AK8: variants seen among roughly 807,000 people sequenced by gnomAD.
The protein encoded by AK8 is adenylate kinase 8.
In AK8, 44 loss-of-function variants were observed where a neutral mutation model predicts 54.6. The observed-to-expected ratio is 0.81, with a 90% CI of 0.63 to 1.04. AK8 has a LOEUF of 1.04. Among genes scored for constraint, AK8 ranks in the 50% least tolerant of loss-of-function variants. AK8 has a pLI of 0.00. For missense variants in AK8, 555 were observed against 613.6 expected (o/e 0.90, Z 1.01); for synonymous variants, 239 against 245.6 (o/e 0.97, Z 0.25).
chr9:132,821,423 AAAG>A (rs201846620), intron 9 of AK8, among the ~76,000 whole-genome samples: 4,445 of 152,288 alleles, frequency 0.029, 127 homozygotes, highest in Middle Eastern at 0.048. Context: ...GGAACAATCA[AAAG>A]AAGAAGGAAT....
intron 9 of AK8, among the ~76,000 whole-genome samples, chr9:132,816,708 C>G (rs1161331035): frequency 1.3e-5 from 2 of 152,184 alleles, no homozygotes; most frequent in Admixed American, 1.3e-4. Context: ...CATTGGACAA[C>G]AGAGAGACAG....
chr9:132,829,940 T>TA (rs1405425833), intron 5 of AK8, among the ~76,000 whole-genome samples: 7 of 152,242 alleles, frequency 4.6e-5, no homozygotes, highest in Admixed American at 3.9e-4. Flanking sequence ...GAAATAATAA[T>TA]AAGAGTCACT....
At chr9:132,828,121 C>G in intron 6 of AK8, 37 bp from the exon 7 acceptor site, 1 of 1,542,620 alleles carries the variant, frequency 6.5e-7, no homozygotes. Flanking sequence ...CCAGGCATGT[C>G]GGGCAGCGGG....
intron 4 of AK8, among the ~76,000 whole-genome samples, chr9:132,858,982 A>G (rs61621818): frequency 0.018 from 2,727 of 152,092 alleles, 90 homozygotes; most frequent in African/African-American, 0.063. Context: ...CACCTCCTCT[A>G]CCCCAAGCCT....
intron 5 of AK8, among the ~76,000 whole-genome samples, chr9:132,846,356 C>T (rs942433797): frequency 5.3e-5 from 8 of 152,222 alleles, no homozygotes; most frequent in Non-Finnish European, 1.2e-4. Flanking sequence ...CTGCCTCTAA[C>T]TGACGTGACT....
chr9:132,858,391 C>T (rs1217805857), intron 4 of AK8, among the ~76,000 whole-genome samples: 1 of 152,250 alleles, frequency 6.6e-6, no homozygotes, highest in Non-Finnish European at 1.5e-5. Flanking sequence ...GGCTTTCTCA[C>T]ACTGGGATGG....
chr9:132,812,523 G>GCCGCCGCGCCCA lies in AK8; in HGVS notation c.979+2114_979+2115insTGGGCGCGGCGG, dbSNP rs1564415036. ...CAAAGTGCTGGGATGACAGGGGTGA[G>GCCGCCGCGCCCA]CTACCGTGCCCACTGGGATGACGGG... On this transcript the variant is annotated intron_variant, in intron 10 of 12. Transcript: ENST00000298545. Among the ~76,000 whole-genome samples, 955 of 147,180 alleles carry GCCGCCGCGCCCA rather than the reference G, an allele frequency of 6.5e-3. 26 individuals are homozygous for GCCGCCGCGCCCA. The highest frequency in any genetic ancestry group is 0.024 in the South Asian group (115 of 4,734).
intron 10 of AK8, among the ~76,000 whole-genome samples, chr9:132,808,698 G>A (rs1564412800): frequency 6.6e-6 from 1 of 152,204 alleles, no homozygotes; most frequent in Non-Finnish European, 1.5e-5. Context: ...TGGTGGTGAT[G>A]GTGACTGTGA....
In AK8 at chr9:132,875,195, A is replaced by G. The variant is rs1488786050; in HGVS notation, c.89T>C (p.Met30Thr). Reference protein sequence around the residue: ...ENHIFELMQNMLEQLLIHQPE... With the variant: ...ENHIFELMQNTLEQLLIHQPE... The stretch of plus-strand genomic sequence containing the variant: ...CTGGTGGATCAGGAGTTGCTCCAGC[A>G]TGTTCTGTGGGTGCAGGGCAGACAC... Residue 30 changes from methionine to threonine, a missense_variant, in exon 2 of 13, where the codon ATG becomes ACG. Transcript: ENST00000298545. 2 of 1,614,130 alleles carry G rather than the reference A, an allele frequency of 1.2e-6. No homozygotes were observed.
At chr9:132,836,712 G>A (rs575200769) in intron 5 of AK8, among the ~76,000 whole-genome samples, 10 of 152,340 alleles carry the variant, frequency 6.6e-5, no homozygotes, top group Admixed American at 2.6e-4. Context: ...GAATGCGGGG[G>A]TCTAGTGAGT....
chr9:132,793,019 C>T (rs1457372901), intron 10 of AK8, among the ~76,000 whole-genome samples: 1 of 152,214 alleles, frequency 6.6e-6, no homozygotes, highest in East Asian at 1.9e-4. Flanking sequence ...CTTTCCTGGA[C>T]ACGACACCAT....
At chr9:132,727,603 G>C (rs1006540002) in intron 11 of AK8, 69 bp from the exon 12 acceptor site, 11 of 1,459,696 alleles carry the variant, frequency 7.5e-6, no homozygotes, top group Non-Finnish European at 1.0e-5. Context: ...TGACATCCTG[G>C]GGTCTTGAGA....
intron 7 of AK8, 69 bp from the exon 8 acceptor site, chr9:132,827,123 T>G: frequency 6.5e-7 from 1 of 1,528,764 alleles, no homozygotes; most frequent in Non-Finnish European, 9.0e-7. Context: ...TGTGCCTGGC[T>G]GGGGTGCTTG....
intron 11 of AK8, among the ~76,000 whole-genome samples, chr9:132,774,547 T>C (rs963853574): frequency 6.6e-6 from 1 of 152,020 alleles, no homozygotes. Flanking sequence ...AGATGGAAAA[T>C]TGAAGTACAC....
intron 11 of AK8, among the ~76,000 whole-genome samples, chr9:132,736,114 T>C (rs1459800339): frequency 6.6e-6 from 1 of 152,064 alleles, no homozygotes; most frequent in Admixed American, 6.5e-5. Flanking sequence ...CACCATTGTA[T>C]GTGTGGTCTG....
rs1023613962 is a variant in AK8, at chr9:132,814,663, C to T, written c.954G>A (p.Gln318=). ...CTGCCATCTCCTTTTCAAAGAAGGGCTGGATGAGCTCGCCAAACGTGGTCC... is the reference window on the plus strand; with the variant it reads ...CTGCCATCTCCTTTTCAAAGAAGGGTTGGATGAGCTCGCCAAACGTGGTCC... ...ADRTTFGELI[Q]PFFEKEMAVP... is the part of the protein sequence containing the mutation. The change falls in exon 10 of 13, where the codon CAG becomes CAA. Residue 318 remains glutamine, a synonymous_variant. Transcript: ENST00000298545. 6.2e-7 allele frequency: 1 copy of T among 1,614,086 alleles called. No homozygotes were observed. The highest frequency in any genetic ancestry group is 8.5e-7 in the Non-Finnish European group (1 of 1,180,002).
At chr9:132,774,929 G>C in intron 11 of AK8, among the ~76,000 whole-genome samples, 1 of 152,220 alleles carries the variant, frequency 6.6e-6, no homozygotes, top group East Asian at 1.9e-4. Context: ...GAATCCACAG[G>C]AGGGAAAGAA....
Position 132,799,140 on chromosome 9 carries a change from G to A in AK8, c.980-6365C>T, listed in dbSNP as rs2131192696. On this transcript the variant is annotated intron_variant, in intron 10 of 12. Coordinates refer to ENST00000298545, the MANE Select transcript of AK8 (RefSeq NM_152572.3). The surrounding 1 kb of genome is among the most constrained non-coding windows in gnomAD (Gnocchi z 5.0). ...AGGCCAGCTTGCGGTTTTCCAGCAG[G>A]CACCAGAGGCCCCTCCTGCTGCGCC... Among the ~76,000 whole-genome samples, 1 of 152,288 alleles carries A rather than the reference G, an allele frequency of 6.6e-6. No individual in the cohort carries two copies. The highest frequency in any genetic ancestry group is 1.9e-4 in the East Asian group (1 of 5,180).
At chr9:132,760,458 A>G (rs1838402604) in intron 11 of AK8, among the ~76,000 whole-genome samples, 1 of 152,234 alleles carries the variant, frequency 6.6e-6, no homozygotes, top group Admixed American at 6.5e-5. Flanking sequence ...TAACCTTGCT[A>G]AACTCTCACT....
Sources: allele counts gnomAD v4.1 joint callset (sites outside exome capture counted in the v4.1 genomes callset), GRCh38; gene constraint gnomAD v4.1.1; non-coding constraint Gnocchi (gnomAD v3.1); transcripts MANE v1.5; gene names NCBI Gene and HGNC (gene_info 2026-07-23, HGNC 2026-07-21).